LRRC37A2: variants seen among roughly 807,000 people sequenced by gnomAD.
The protein encoded by LRRC37A2 is leucine rich repeat containing 37 member A2, also known as leucine-rich repeat-containing protein 37A2.
A neutral mutation model predicts 68.8 loss-of-function variants in LRRC37A2; 9 were observed. The observed-to-expected ratio is 0.13, with a 90% CI of 0.08 to 0.23. The LOEUF (loss-of-function observed/expected upper bound fraction) is 0.23, where lower values mean the gene tolerates loss of function less well. LRRC37A2 is among the 10% of genes least tolerant of loss of function. The probability of loss-of-function intolerance (pLI) is 1.00; values close to 1 mark genes in which losing one functional copy is unlikely to be tolerated. For synonymous variants in LRRC37A2, 63 were observed against 367.6 expected (o/e 0.17, Z 9.48); for missense variants, 168 against 950.4 (o/e 0.18, Z 10.82).
the LRRC37A2 span, among the ~76,000 whole-genome samples, chr17:47,000,236 CT>C: frequency 0.67 from 81,033 of 120,738 alleles, 26,913 homozygotes; most frequent in Non-Finnish European, 0.73. Context: ...TTGTTTTTTG[CT>C]TTTTTTTTTT....
At chr17:46,868,834 C>T in the LRRC37A2 span, among the ~76,000 whole-genome samples, 3 of 152,182 alleles carry the variant, frequency 2.0e-5, no homozygotes, top group Non-Finnish European at 2.9e-5. Flanking sequence ...GACCTCTGAG[C>T]AGGCTGAAGC....
At chr17:46,937,851 A>T in the LRRC37A2 span, 1 of 152,500 alleles carries the variant, frequency 6.6e-6, no homozygotes, top group Non-Finnish European at 1.5e-5. Flanking sequence ...TAGTGACACC[A>T]TTGTTTTCAG....
At chr17:46,658,142 C>T in the LRRC37A2 span, among the ~76,000 whole-genome samples, 1 of 12,178 alleles carries the variant, frequency 8.2e-5, no homozygotes, top group African/African-American at 7.1e-4. Context: ...CAGGTTCAAG[C>T]GATTCTTGTG....
chr17:46,881,626 T>C, the LRRC37A2 span, among the ~76,000 whole-genome samples: 2 of 152,324 alleles, frequency 1.3e-5, no homozygotes, highest in East Asian at 3.9e-4. Context: ...CTGCTCATAA[T>C]CTAGTTCCCA....
At chr17:46,852,297 G>A in the LRRC37A2 span, among the ~76,000 whole-genome samples, 2 of 152,198 alleles carry the variant, frequency 1.3e-5, no homozygotes, top group African/African-American at 4.8e-5. Flanking sequence ...TGGAGACGCA[G>A]GAAGGAACCG....
chr17:46,836,098 G>A, the LRRC37A2 span, among the ~76,000 whole-genome samples: 1 of 110,462 alleles, frequency 9.1e-6, no homozygotes, highest in Non-Finnish European at 2.2e-5. Flanking sequence ...ACGCTGACGT[G>A]TGTGTGTGTG....
the LRRC37A2 span, among the ~76,000 whole-genome samples, chr17:46,786,649 C>T: frequency 2.6e-5 from 4 of 152,350 alleles, no homozygotes; most frequent in South Asian, 2.1e-4. Flanking sequence ...ATGCCCTGTG[C>T]GTGCTCAGGT....
At chr17:46,813,598 T>C in the LRRC37A2 span, among the ~76,000 whole-genome samples, 1 of 151,984 alleles carries the variant, frequency 6.6e-6, no homozygotes, top group Non-Finnish European at 1.5e-5. Flanking sequence ...GAAAAGGTTC[T>C]GCTCAACTCC....
At chr17:46,873,379 A>G in the LRRC37A2 span, among the ~76,000 whole-genome samples, 1 of 152,094 alleles carries the variant, frequency 6.6e-6, no homozygotes, top group Non-Finnish European at 1.5e-5. Context: ...TCAGAGCTGA[A>G]CCAGACCCAG....
At chr17:46,972,316 TCTC>T in the LRRC37A2 span, among the ~76,000 whole-genome samples, 7 of 152,154 alleles carry the variant, frequency 4.6e-5, no homozygotes, top group Non-Finnish European at 7.4e-5. Context: ...CCCCCTTCTT[TCTC>T]CTCCTCCTCC....
chr17:46,845,670 T>C, the LRRC37A2 span, among the ~76,000 whole-genome samples: 1 of 151,638 alleles, frequency 6.6e-6, no homozygotes, highest in African/African-American at 2.4e-5. Flanking sequence ...TTTGTATTTT[T>C]AGTAGAGATG....
At chr17:46,684,359 G>T in the LRRC37A2 span, among the ~76,000 whole-genome samples, 1 of 148,062 alleles carries the variant, frequency 6.8e-6, no homozygotes, top group Middle Eastern at 3.4e-3. Context: ...TCTTTATCTA[G>T]TCTATCGTTG....
the LRRC37A2 span, chr17:46,726,682 G>A: frequency 4.1e-5 from 55 of 1,356,904 alleles, no homozygotes; most frequent in Non-Finnish European, 5.6e-5. Flanking sequence ...AAAGTTACAA[G>A]AGAAAATTAA....
At chr17:46,529,386 A>T (rs1274643340) in intron 6 of LRRC37A2, among the ~76,000 whole-genome samples, 22 of 100,222 alleles carry the variant, frequency 2.2e-4, no homozygotes, top group African/African-American at 7.4e-4. Context: ...GGCTGAAAAA[A>T]AGCTTGCCAC....
the LRRC37A2 span, among the ~76,000 whole-genome samples, chr17:46,835,139 A>G: frequency 1.3e-5 from 2 of 151,358 alleles, no homozygotes; most frequent in African/African-American, 4.9e-5. Flanking sequence ...GCACTACAGG[A>G]ACACACCACC....
chr17:46,951,897 C>G, the LRRC37A2 span, among the ~76,000 whole-genome samples: 2 of 152,156 alleles, frequency 1.3e-5, no homozygotes, highest in Admixed American at 6.5e-5. Context: ...TTCTCCCCCC[C>G]AGACATCACC....
the LRRC37A2 span, among the ~76,000 whole-genome samples, chr17:47,002,553 G>C: frequency 1.3e-5 from 2 of 151,992 alleles, no homozygotes; most frequent in Non-Finnish European, 2.9e-5. Flanking sequence ...ACTAGGCCCA[G>C]CTAATTTTGT....
At chr17:46,911,722 A>G in the LRRC37A2 span, among the ~76,000 whole-genome samples, 1 of 152,108 alleles carries the variant, frequency 6.6e-6, no homozygotes, top group East Asian at 1.9e-4. Context: ...GTCTCAACTT[A>G]AAAATATAAA....
At chr17:46,941,032 C>G in the LRRC37A2 span, 4 of 1,088,036 alleles carry the variant, frequency 3.7e-6, no homozygotes, top group Admixed American at 4.6e-5. Context: ...ATTCTTAGGT[C>G]GAGCTGATGC....
Sources: allele counts gnomAD v4.1 joint callset (sites outside exome capture counted in the v4.1 genomes callset), GRCh38; gene constraint gnomAD v4.1.1; transcripts MANE v1.5; gene names NCBI Gene and HGNC (gene_info 2026-07-23, HGNC 2026-07-21).